Variants in STK39 observed in about 807,000 individuals in gnomAD.
STK39 encodes the protein serine/threonine kinase 39.
STK39 carries 20 observed loss-of-function variants against 77.8 expected under a neutral mutation model. That is an observed-to-expected ratio of 0.26 (90% CI 0.18 to 0.37). The LOEUF (loss-of-function observed/expected upper bound fraction) is 0.37, where lower values mean the gene tolerates loss of function less well. Ranked by LOEUF, STK39 falls within the 10% of genes least tolerant of loss-of-function variation. The pLI is 1.00. For missense variants in STK39, 479 were observed against 656.5 expected (o/e 0.73, Z 2.95); for synonymous variants, 246 against 234.1 (o/e 1.05, Z -0.47).
At chr2:168,102,753 C>T (rs1354919379) in intron 10 of STK39, among the ~76,000 whole-genome samples, 3 of 151,818 alleles carry the variant, frequency 2.0e-5, no homozygotes, top group African/African-American at 7.3e-5. Flanking sequence ...CACGGTGAAA[C>T]CCCGTCTCTA....
intron 16 of STK39, 107 bp downstream of exon 16, chr2:168,012,526 TC>T: frequency 1.2e-6 from 1 of 838,470 alleles, no homozygotes; most frequent in Non-Finnish European, 1.9e-6. Flanking sequence ...CAAGAAGAAT[TC>T]TTCAAATATT....
chr2:168,212,036 T>C (rs1036061244), intron 1 of STK39, among the ~76,000 whole-genome samples: 9 of 152,190 alleles, frequency 5.9e-5, no homozygotes, highest in Admixed American at 1.3e-4. Flanking sequence ...TTGAAACTAA[T>C]ACCCAAAAGG....
At chr2:168,157,782 A>G (rs969071725) in intron 5 of STK39, among the ~76,000 whole-genome samples, 2 of 152,158 alleles carry the variant, frequency 1.3e-5, no homozygotes, top group Non-Finnish European at 2.9e-5. Context: ...AAACCACAGC[A>G]CACACACACC....
At chr2:168,143,597 C>G (rs1427574341) in intron 5 of STK39, among the ~76,000 whole-genome samples, 1 of 152,112 alleles carries the variant, frequency 6.6e-6, no homozygotes, top group Non-Finnish European at 1.5e-5. Flanking sequence ...GCCTGTAGTC[C>G]CAGCAACTCT....
chr2:168,238,040 T>G (rs1690664545), intron 1 of STK39, among the ~76,000 whole-genome samples: 2 of 152,098 alleles, frequency 1.3e-5, no homozygotes, highest in African/African-American at 2.4e-5. Context: ...CTACCCAAAA[T>G]GTAATCCTTT....
chr2:168,202,400 C>T (rs1475324449), intron 1 of STK39, among the ~76,000 whole-genome samples: 1 of 152,154 alleles, frequency 6.6e-6, no homozygotes, highest in East Asian at 1.9e-4. Flanking sequence ...GACACATTCA[C>T]TTTATACTCC....
chr2:168,046,251 A>G (rs1025173963), intron 14 of STK39, among the ~76,000 whole-genome samples: 2 of 152,208 alleles, frequency 1.3e-5, no homozygotes, highest in African/African-American at 2.4e-5. Context: ...CTGTAGTCCC[A>G]GCTATGTGGG....
At chr2:168,127,506 T>C (rs1023292888) in intron 10 of STK39, among the ~76,000 whole-genome samples, 6 of 152,178 alleles carry the variant, frequency 3.9e-5, no homozygotes, top group African/African-American at 1.4e-4. Flanking sequence ...TCTTCATTTT[T>C]TCAAATTTCA....
rs1171842865 is a variant in STK39 at position 168,196,006 on chromosome 2, A to C, written c.209-13916T>G. The stretch of plus-strand genomic sequence containing the variant: ...CACTCCAGCCTGGGCTACAAGAGCA[A>C]AACTCCATTTCAAAAGGAAAAGAAA... On this transcript the variant is annotated intron_variant, in intron 1 of 17. Transcript: ENST00000355999. 3.9e-5 allele frequency among the ~76,000 whole-genome samples: 6 copies of C among 152,370 alleles called. No homozygotes were observed. In the East Asian group the frequency reaches 1.2e-3, roughly 29 times the overall value.
At chr2:168,205,715 A>T (rs1233374069) in intron 1 of STK39, among the ~76,000 whole-genome samples, 1 of 152,116 alleles carries the variant, frequency 6.6e-6, no homozygotes, top group Non-Finnish European at 1.5e-5. Flanking sequence ...AGTACTCGGG[A>T]GGCTAAGGTG....
At chr2:168,210,635 T>C (rs938243321) in intron 1 of STK39, among the ~76,000 whole-genome samples, 1 of 152,224 alleles carries the variant, frequency 6.6e-6, no homozygotes, top group African/African-American at 2.4e-5. Flanking sequence ...TTCTCCTGCC[T>C]CAGCCTCCCT....
intron 14 of STK39, among the ~76,000 whole-genome samples, chr2:168,057,715 T>C (rs146705217): frequency 2.0e-5 from 3 of 152,254 alleles, no homozygotes; most frequent in African/African-American, 4.8e-5. Flanking sequence ...AAAACCTCCA[T>C]CACGTTCTTT....
At chr2:168,182,269 G>GA (rs369034942) in intron 1 of STK39, among the ~76,000 whole-genome samples, 179 bp from the exon 2 acceptor site, 202 of 147,592 alleles carry the variant, frequency 1.4e-3, no homozygotes, top group African/African-American at 3.9e-3. Context: ...ATCTGGAGGA[G>GA]AAAAAAAAAA....
At chr2:168,051,992 CTTT>C (rs765347150) in intron 14 of STK39, among the ~76,000 whole-genome samples, 1 of 141,062 alleles carries the variant, frequency 7.1e-6, no homozygotes. Context: ...ATGAGGAAGA[CTTT>C]TTTTTTTTTT....
intron 1 of STK39, among the ~76,000 whole-genome samples, chr2:168,225,934 A>G (rs1690293364): frequency 6.6e-6 from 1 of 152,188 alleles, no homozygotes; most frequent in Non-Finnish European, 1.5e-5. Context: ...TAGATTCTCA[A>G]TCTTTGGGAT....
At chr2:168,223,410 G>A (rs1184704203) in intron 1 of STK39, among the ~76,000 whole-genome samples, 1 of 151,638 alleles carries the variant, frequency 6.6e-6, no homozygotes, top group African/African-American at 2.4e-5. Context: ...TAATCGGGAG[G>A]GCGAGGCAGG....
chr2:168,000,598 T>A (rs1683975142), intron 16 of STK39, among the ~76,000 whole-genome samples: 1 of 152,206 alleles, frequency 6.6e-6, no homozygotes, highest in Admixed American at 6.5e-5. Flanking sequence ...GCAAAATAGT[T>A]AGAAGGATAT....
At chr2:168,163,124 T>C (rs1432152238) in intron 4 of STK39, among the ~76,000 whole-genome samples, 1 of 152,208 alleles carries the variant, frequency 6.6e-6, no homozygotes, top group Non-Finnish European at 1.5e-5. Flanking sequence ...AATGGCTATT[T>C]ACTTGCAATA....
At chr2:168,047,880 T>A (rs1685285260) in intron 14 of STK39, among the ~76,000 whole-genome samples, 1 of 152,230 alleles carries the variant, frequency 6.6e-6, no homozygotes, top group Non-Finnish European at 1.5e-5. Context: ...CTTGACAGCA[T>A]CTTCCATATC....
Sources: allele counts gnomAD v4.1 joint callset (sites outside exome capture counted in the v4.1 genomes callset), GRCh38; gene constraint gnomAD v4.1.1; transcripts MANE v1.5; gene names NCBI Gene and HGNC (gene_info 2026-07-23, HGNC 2026-07-21).